The following FAM120A variants were observed in gnomAD, a reference collection of about 807,000 sequenced individuals.
FAM120A encodes the protein constitutive coactivator of PPAR-gamma-like protein 1.
Under a neutral mutation model 109.7 loss-of-function variants are expected in FAM120A, and 15 were observed. That is an observed-to-expected ratio of 0.14 (90% confidence interval 0.09 to 0.21). FAM120A has a LOEUF of 0.21. Ranked by LOEUF, FAM120A falls within the 10% of genes least tolerant of loss-of-function variation. The probability of loss-of-function intolerance (pLI) is 1.00; values close to 1 mark genes in which losing one functional copy is unlikely to be tolerated. For synonymous variants in FAM120A, 493 were observed against 572.8 expected (o/e 0.86, Z 1.99); for missense variants, 899 against 1,439.3 (o/e 0.62, Z 6.07).
chr9:93,560,732 G>A (rs1862437886), intron 15 of FAM120A, among the ~76,000 whole-genome samples: 1 of 152,208 alleles, frequency 6.6e-6, no homozygotes, highest in Non-Finnish European at 1.5e-5. Flanking sequence ...ATTCTATGAT[G>A]TTCAGTTAAG....
At chr9:93,470,483 A>AT (rs1033380425) in intron 1 of FAM120A, among the ~76,000 whole-genome samples, 2 of 152,110 alleles carry the variant, frequency 1.3e-5, no homozygotes, top group East Asian at 1.9e-4. Context: ...GGTGTCTTAG[A>AT]TTTTTTCATC....
At chr9:93,491,259 G>T (rs1163224286) in intron 3 of FAM120A, among the ~76,000 whole-genome samples, 2 of 152,134 alleles carry the variant, frequency 1.3e-5, no homozygotes, top group Non-Finnish European at 2.9e-5. Flanking sequence ...CAAAACAAAG[G>T]TTGTCAAGAG....
intron 3 of FAM120A, among the ~76,000 whole-genome samples, chr9:93,494,585 A>G (rs527336273): frequency 3.3e-4 from 50 of 151,882 alleles, no homozygotes; most frequent in African/African-American, 1.2e-3. Flanking sequence ...CCATCTCACA[A>G]TTTCTTGGTC....
intron 3 of FAM120A, among the ~76,000 whole-genome samples, chr9:93,492,530 T>C (rs764357793): frequency 7.2e-5 from 11 of 152,044 alleles, no homozygotes; most frequent in Non-Finnish European, 1.6e-4. Context: ...GGGTAGCAAA[T>C]GCACACCAGG....
chr9:93,530,470 T>G (rs1861284510), intron 9 of FAM120A: 1 of 152,234 alleles, frequency 6.6e-6, no homozygotes, highest in Non-Finnish European at 1.5e-5. Flanking sequence ...AATGCAATAA[T>G]GAACTCCTGT....
At chr9:93,557,496 A>G in intron 13 of FAM120A, among the ~76,000 whole-genome samples, 1 of 152,212 alleles carries the variant, frequency 6.6e-6, no homozygotes, top group Non-Finnish European at 1.5e-5. Context: ...GTGGCACTTA[A>G]TAAACTGTGA....
chr9:93,522,114 C>G (rs7870558), intron 7 of FAM120A, among the ~76,000 whole-genome samples: 5,348 of 152,198 alleles, frequency 0.035, 161 homozygotes, highest in African/African-American at 0.067. Flanking sequence ...CAATTGAATC[C>G]TTGTGGAGGT....
chr9:93,457,960 C>T (rs533358373), intron 1 of FAM120A, among the ~76,000 whole-genome samples: 1 of 152,268 alleles, frequency 6.6e-6, no homozygotes, highest in East Asian at 1.9e-4. Context: ...TTGGCCACTT[C>T]CATAGTATAT....
intron 7 of FAM120A, chr9:93,523,168 A>G (rs547053282): frequency 7.6e-5 from 29 of 381,604 alleles, no homozygotes; most frequent in Middle Eastern, 3.7e-4. Context: ...TTAATGTAAA[A>G]TAGCTAAAAG....
intron 5 of FAM120A, among the ~76,000 whole-genome samples, chr9:93,506,030 C>A (rs1284129815): frequency 1.3e-5 from 2 of 152,128 alleles, no homozygotes; most frequent in Non-Finnish European, 2.9e-5. Flanking sequence ...GGGCTCAGTT[C>A]TGTTGAATTT....
At chr9:93,488,773 A>G (rs909303764) in intron 3 of FAM120A, among the ~76,000 whole-genome samples, 2 of 151,998 alleles carry the variant, frequency 1.3e-5, no homozygotes, top group Admixed American at 1.3e-4. Flanking sequence ...ATCTGCTTTG[A>G]TATTTTCTGA....
chr9:93,456,495 G>A (rs965210067), intron 1 of FAM120A, among the ~76,000 whole-genome samples: 2 of 152,208 alleles, frequency 1.3e-5, no homozygotes, highest in Admixed American at 6.5e-5. Flanking sequence ...TTTGTATTTA[G>A]AGATGATGGT....
At chr9:93,557,525 G>C (rs911788613) in intron 13 of FAM120A, among the ~76,000 whole-genome samples, 5 of 152,228 alleles carry the variant, frequency 3.3e-5, no homozygotes, top group Non-Finnish European at 7.3e-5. Context: ...CTTGTTTTCA[G>C]TATGAGCTGA....
intron 2 of FAM120A, among the ~76,000 whole-genome samples, chr9:93,474,606 T>G (rs1315552950): frequency 6.6e-6 from 1 of 151,948 alleles, no homozygotes; most frequent in Admixed American, 6.5e-5. Context: ...TGTTTGTTTG[T>G]TTTTTGAGAC....
intron 14 of FAM120A, 23 bp downstream of exon 14, chr9:93,558,033 C>T (rs535262090): frequency 2.6e-6 from 4 of 1,558,868 alleles, no homozygotes; most frequent in South Asian, 1.2e-5. Flanking sequence ...GGACGTATTC[C>T]TGTGGGTAAC....
intron 3 of FAM120A, among the ~76,000 whole-genome samples, chr9:93,489,922 G>A (rs1199051011): frequency 6.6e-6 from 1 of 152,172 alleles, no homozygotes. Context: ...CAGTTTCTTG[G>A]GGACTACACT....
intron 11 of FAM120A, among the ~76,000 whole-genome samples, chr9:93,544,836 A>C (rs1393906347): frequency 2.0e-5 from 3 of 152,148 alleles, no homozygotes; most frequent in Admixed American, 6.5e-5. Context: ...TAGGCAGGAC[A>C]CTGGCTCAGA....
At chr9:93,516,329 T>A (rs1860584952) in intron 7 of FAM120A, 60 bp downstream of exon 7, 1 of 1,590,384 alleles carries the variant, frequency 6.3e-7, no homozygotes, top group Admixed American at 1.7e-5. Context: ...GGAAGCTGCC[T>A]TCTGGCCTGC....
At chr9:93,462,024 A>C (rs1416621996) in intron 1 of FAM120A, among the ~76,000 whole-genome samples, 1 of 152,222 alleles carries the variant, frequency 6.6e-6, no homozygotes, top group Non-Finnish European at 1.5e-5. Context: ...AAAGCCAAAA[A>C]GAAGTGTCAC....
Sources: gnomAD v4.1 joint callset for allele counts (sites outside exome capture counted in the v4.1 genomes callset) on GRCh38, gnomAD v4.1.1 for gene constraint, MANE v1.5 for transcripts, NCBI Gene and HGNC (gene_info 2026-07-23, HGNC 2026-07-21) for gene names.